The following PRKG1 variants were observed in gnomAD, a reference collection of about 807,000 sequenced individuals.
PRKG1 encodes the protein protein kinase cGMP-dependent 1.
A neutral mutation model predicts 88.1 loss-of-function variants in PRKG1; 35 were observed. The observed-to-expected ratio is 0.40, with a 90% CI of 0.30 to 0.53. The LOEUF (loss-of-function observed/expected upper bound fraction) is 0.53. PRKG1 is among the 20% of genes least tolerant of loss of function. The pLI is 0.59. For missense variants in PRKG1, 540 were observed against 839.8 expected (o/e 0.64, Z 4.41); for synonymous variants, 303 against 292.5 (o/e 1.04, Z -0.37).
chr10:51,211,854 A>C (rs1022310185), intron 2 of PRKG1, among the ~76,000 whole-genome samples: 1 of 152,212 alleles, frequency 6.6e-6, no homozygotes, highest in Non-Finnish European at 1.5e-5. Context: ...ATGCTCATGG[A>C]TAGGAAGAAT....
At chr10:51,815,509 A>C (rs1205225060) in intron 4 of PRKG1, among the ~76,000 whole-genome samples, 2 of 152,146 alleles carry the variant, frequency 1.3e-5, no homozygotes, top group East Asian at 3.9e-4. Flanking sequence ...AGAGAATCGG[A>C]AGTGGGAATG....
At chr10:51,816,190 A>G (rs182128623) in intron 4 of PRKG1, among the ~76,000 whole-genome samples, 61 of 152,318 alleles carry the variant, frequency 4.0e-4, no homozygotes, top group Admixed American at 1.3e-3. Context: ...TGAATCTCAC[A>G]CAGATAAGCC....
chr10:51,431,021 A>G (rs935262293), intron 2 of PRKG1, among the ~76,000 whole-genome samples: 1 of 152,180 alleles, frequency 6.6e-6, no homozygotes, highest in Non-Finnish European at 1.5e-5. Context: ...TGGTTGCACA[A>G]TTCTACAAAT....
At chr10:51,909,492 C>T (rs12762744) in intron 5 of PRKG1, 26,055 of 151,768 alleles carry the variant, frequency 0.17, 2,930 homozygotes, top group Non-Finnish European at 0.24. Context: ...TTTACATATA[C>T]GAAGACATAT....
chr10:51,914,960 GC>G (rs1456878234), intron 5 of PRKG1, among the ~76,000 whole-genome samples: 1 of 152,198 alleles, frequency 6.6e-6, no homozygotes, highest in African/African-American at 2.4e-5. Context: ...ACTCACCCTT[GC>G]TTAATGATAT....
chr10:51,972,236 T>A (rs1277934246), intron 5 of PRKG1, among the ~76,000 whole-genome samples: 2 of 152,220 alleles, frequency 1.3e-5, no homozygotes, highest in Non-Finnish European at 2.9e-5. Flanking sequence ...TCTTTTGCAT[T>A]TACTTTTTGC....
At position 51,275,204 on chromosome 10, in the gene PRKG1, C is replaced by T. The variant is rs1337660598; in HGVS notation, c.478+121874C>T. Among the ~76,000 whole-genome samples the T allele has an allele frequency of 3.3e-5, 5 of 152,336 alleles. No homozygotes were observed. In the East Asian group the frequency reaches 9.6e-4, roughly 29 times the overall value. ...AAATAAAGTCCTATGTTTTTTCCCA[C>T]ATTATAAAGTTGTCTTTATTGTCTA... On this transcript the variant is annotated intron_variant, in intron 2 of 17. Coordinates refer to ENST00000373980, the MANE Select transcript of PRKG1 (RefSeq NM_006258.4).
In PRKG1 at chr10:51,079,974, G is replaced by A. The variant is rs571903128; in HGVS notation, c.311+5073G>A. Among the ~76,000 whole-genome samples, 15 of 152,202 alleles carry A rather than the reference G, an allele frequency of 9.9e-5. No individual in the cohort carries two copies. The East Asian group carries it at 2.3e-3, about 23-fold the overall frequency. ...CACTGCAGATTCCTCACATACCTAGGCAAACTGAACATCAATGAGAATTGA... is the reference window on the plus strand; with the variant it reads ...CACTGCAGATTCCTCACATACCTAGACAAACTGAACATCAATGAGAATTGA... On this transcript the variant is annotated intron_variant, in intron 1 of 17. Coordinates refer to ENST00000373980, the MANE Select transcript of PRKG1 (RefSeq NM_006258.4).
intron 2 of PRKG1, among the ~76,000 whole-genome samples, chr10:51,173,639 A>G (rs9415768): frequency 0.066 from 9,984 of 151,996 alleles, 688 homozygotes; most frequent in African/African-American, 0.17. Context: ...TCTTCTAATC[A>G]CTTGCCTGTA....
At chr10:51,399,927 G>A (rs540606001) in intron 2 of PRKG1, among the ~76,000 whole-genome samples, 32 of 152,296 alleles carry the variant, frequency 2.1e-4, no homozygotes, top group Non-Finnish European at 3.8e-4. Flanking sequence ...AGGATCCACA[G>A]CGTAATTTTG....
At chr10:51,215,544 G>C (rs1838349685) in intron 2 of PRKG1, among the ~76,000 whole-genome samples, 1 of 152,142 alleles carries the variant, frequency 6.6e-6, no homozygotes, top group Non-Finnish European at 1.5e-5. Flanking sequence ...GGAGCCCTGT[G>C]GGATTTTTGC....
chr10:51,458,819 A>T (rs1188758355), intron 2 of PRKG1, among the ~76,000 whole-genome samples: 2 of 152,106 alleles, frequency 1.3e-5, no homozygotes, highest in African/African-American at 4.8e-5. Flanking sequence ...GTCTACTTAT[A>T]TGTAGGTATT....
chr10:52,021,315 G>A (rs1845178501), intron 5 of PRKG1, among the ~76,000 whole-genome samples: 1 of 152,142 alleles, frequency 6.6e-6, no homozygotes, highest in Non-Finnish European at 1.5e-5. Flanking sequence ...AGTTATGGAT[G>A]GATTTTAAGC....
intron 1 of PRKG1, among the ~76,000 whole-genome samples, chr10:51,049,092 A>G (rs1383937549): frequency 2.0e-5 from 3 of 152,130 alleles, no homozygotes; most frequent in African/African-American, 4.8e-5. Flanking sequence ...CGGGAAAGGA[A>G]GAGCTCCCGC....
At chr10:52,054,627 A>G in intron 6 of PRKG1, 66 bp downstream of exon 6, 1 of 1,297,760 alleles carries the variant, frequency 7.7e-7, no homozygotes, top group Non-Finnish European at 1.1e-6. Flanking sequence ...TAACTCCAGT[A>G]GGAACACATG....
chr10:51,872,519 C>T (rs1174177218), intron 4 of PRKG1, among the ~76,000 whole-genome samples: 4 of 152,138 alleles, frequency 2.6e-5, no homozygotes, highest in Non-Finnish European at 5.9e-5. Flanking sequence ...GCATTCTTCC[C>T]TTGTGGCAAA....
chr10:51,671,762 A>AT (rs1310410184), intron 3 of PRKG1, among the ~76,000 whole-genome samples: 2 of 151,772 alleles, frequency 1.3e-5, no homozygotes, highest in African/African-American at 2.4e-5. Context: ...AATTTTTTGT[A>AT]TTTTTTGTAG....
chr10:51,585,926 G>T (rs1838160202), intron 3 of PRKG1, among the ~76,000 whole-genome samples: 1 of 151,968 alleles, frequency 6.6e-6, no homozygotes, highest in Non-Finnish European at 1.5e-5. Flanking sequence ...ATGATAAACG[G>T]GTACACATGG....
At chr10:51,794,285 A>G (rs1838951477) in intron 3 of PRKG1, among the ~76,000 whole-genome samples, 2 of 152,158 alleles carry the variant, frequency 1.3e-5, no homozygotes, top group South Asian at 2.1e-4. Context: ...CCCTACATGT[A>G]GTAATGGACA....
Sources: gnomAD v4.1 joint callset for allele counts (sites outside exome capture counted in the v4.1 genomes callset) on GRCh38, gnomAD v4.1.1 for gene constraint, MANE v1.5 for transcripts, NCBI Gene and HGNC (gene_info 2026-07-23, HGNC 2026-07-21) for gene names.